The following IL1R1 variants were observed in gnomAD, a reference collection of about 807,000 sequenced individuals.
IL1R1 encodes the protein interleukin 1 receptor type 1, also known as interleukin-1 receptor type 1.
In IL1R1, 22 loss-of-function variants were observed where a neutral mutation model predicts 50.2. The ratio of observed to expected loss-of-function variants is 0.44; its 90% CI spans 0.31 to 0.63. The LOEUF is 0.63. Ranked by LOEUF, IL1R1 falls within the 20% of genes least tolerant of loss-of-function variation. IL1R1 has a pLI of 0.07. For missense variants in IL1R1, 509 were observed against 676.2 expected (o/e 0.75, Z 2.74); for synonymous variants, 251 against 236.7 (o/e 1.06, Z -0.55).
chr2:102,166,248 C>G lies in IL1R1; in HGVS notation c.622C>G (p.Pro208Ala). 1 of 1,613,262 alleles carries G rather than the reference C, an allele frequency of 6.2e-7. No individual in the cohort carries two copies. The highest frequency in any genetic ancestry group is 1.1e-5 in the South Asian group (1 of 91,018). ...CTACACATACTTGGGCAAGCAATAT[C>G]CTATTACCCGGGTAATAGAATTTAT... is the stretch of plus-strand genomic sequence containing the variant. ...ASYTYLGKQY[P>A]ITRVIEFITL... The change falls in exon 6 of 12, where the codon CCT (proline) becomes GCT (alanine). Residue 208 changes from proline to alanine, a missense_variant. Transcript: ENST00000410023.
chr2:102,082,508 A>C (rs778987826), intron 1 of IL1R1, among the ~76,000 whole-genome samples: 77 of 152,214 alleles, frequency 5.1e-4, no homozygotes, highest in Non-Finnish European at 1.0e-3. Flanking sequence ...CAGAATCAGC[A>C]TAAAGTAAAA....
At chr2:102,083,387 C>CA (rs1679301314) in intron 1 of IL1R1, among the ~76,000 whole-genome samples, 1 of 152,184 alleles carries the variant, frequency 6.6e-6, no homozygotes, top group African/African-American at 2.4e-5. Context: ...GTGTGTTCCC[C>CA]AGAGTGCCGA....
rs577561344 is a variant in IL1R1 at position 102,092,923 on chromosome 2, A to G, written c.-84+22390A>G. ...TGAAATTTCGCCAAGATGTACTTAG[A>G]GAAGAAAACTCAGAGGCCAGAAAGA... On this transcript the variant is annotated intron_variant, in intron 1 of 11. Coordinates refer to the IL1R1 transcript ENST00000409929. Among the ~76,000 whole-genome samples the G allele has an allele frequency of 7.9e-5, 12 of 152,268 alleles. 1 individual carries two copies. Among genetic ancestry groups the G allele is most frequent in the African/African-American group, 2.9e-4 (12 of 41,566 alleles).
Position 102,161,883 on chromosome 2 carries a change from G to C in IL1R1, c.62-2891G>C, listed in dbSNP as rs141497621. ...CCTGGCTGATTTTTTTTGTATTTTA[G>C]TAGAGGTGGAGTTTCACCATGTTGG... On this transcript the variant is annotated intron_variant, in intron 3 of 11. Coordinates refer to ENST00000410023, the MANE Select transcript of IL1R1 (RefSeq NM_000877.4). Among the ~76,000 whole-genome samples the C allele has an allele frequency of 2.0e-3, 307 of 151,950 alleles. 1 individual carries two copies. The highest frequency in any genetic ancestry group is 2.4e-3 in the Non-Finnish European group (160 of 67,954).
At chr2:102,154,320 C>A (rs1241375195) in intron 2 of IL1R1, among the ~76,000 whole-genome samples, 2 of 152,168 alleles carry the variant, frequency 1.3e-5, no homozygotes, top group African/African-American at 4.8e-5. Context: ...AGTTTCAACC[C>A]CTTCCAGGCC....
chr2:102,114,583 G>A (rs1050098040), intron 1 of IL1R1, among the ~76,000 whole-genome samples: 1 of 152,186 alleles, frequency 6.6e-6, no homozygotes, highest in African/African-American at 2.4e-5. Context: ...CAGGGAGAAG[G>A]GGAGGTTACA....
intron 1 of IL1R1, among the ~76,000 whole-genome samples, chr2:102,115,432 A>AGCC (rs1232923370): frequency 6.6e-6 from 1 of 152,232 alleles, no homozygotes; most frequent in African/African-American, 2.4e-5. Flanking sequence ...GTGTAAACGT[A>AGCC]GCCACTTTCA....
intron 1 of IL1R1, among the ~76,000 whole-genome samples, chr2:102,097,765 G>C (rs988698619): frequency 2.0e-5 from 3 of 151,834 alleles, no homozygotes; most frequent in African/African-American, 7.3e-5. Context: ...ACAAAGAATA[G>C]TTTGTATAAA....
intron 1 of IL1R1, among the ~76,000 whole-genome samples, chr2:102,075,631 G>A (rs1678924575): frequency 6.6e-6 from 1 of 152,162 alleles, no homozygotes; most frequent in Non-Finnish European, 1.5e-5. Flanking sequence ...TGGTTTGCAA[G>A]TTTTTGGTAC....
rs73943965 is a variant in IL1R1 at position 102,073,661 on chromosome 2, G to C, written c.-84+3128G>C. Among the ~76,000 whole-genome samples the C allele has an allele frequency of 7.6e-3, 1,161 of 152,060 alleles. 15 individuals carry two copies. Among genetic ancestry groups the C allele is most frequent in the African/African-American group, 0.027 (1,113 of 41,452 alleles). ...CTCTGAGTACCTGAGAGATACTCAG[G>C]GCTCTTTCTTGGATGCCAAATAGAT... On this transcript the variant is annotated intron_variant, in intron 1 of 11. Coordinates refer to the IL1R1 transcript ENST00000409929.
In IL1R1 at chr2:102,074,390, T is replaced by C. The variant is rs370651930; in HGVS notation, c.-84+3857T>C. Among the ~76,000 whole-genome samples, 400 of 152,368 alleles carry C rather than the reference T, an allele frequency of 2.6e-3. 2 individuals are homozygous for C. The highest frequency in any genetic ancestry group is 9.0e-3 in the African/African-American group (376 of 41,596). On this transcript the variant is annotated intron_variant, in intron 1 of 11. Transcript: ENST00000409929. The stretch of plus-strand genomic sequence containing the variant: ...GCTGGGCTCAGATGGCAAGCTGTGA[T>C]GACTGGGCCTATCTGCCCATGTCAT...
At chr2:102,124,639 C>T (rs2110724) in intron 1 of IL1R1, among the ~76,000 whole-genome samples, 31,485 of 151,788 alleles carry the variant, frequency 0.21, 4,488 homozygotes, top group African/African-American at 0.4. Context: ...CAGATCTGGC[C>T]GGATGTGGTG....
At chr2:102,090,517 G>T (rs1679620652) in intron 1 of IL1R1, among the ~76,000 whole-genome samples, 1 of 151,836 alleles carries the variant, frequency 6.6e-6, no homozygotes, top group African/African-American at 2.4e-5. Flanking sequence ...CTATGCATTG[G>T]TTTTGATATT....
chr2:102,150,167 A>G (rs1683524881), intron 1 of IL1R1, among the ~76,000 whole-genome samples: 1 of 152,292 alleles, frequency 6.6e-6, no homozygotes, highest in South Asian at 2.1e-4. Context: ...TGTTTAATAA[A>G]TGCACTGTGG....
At chr2:102,084,976 T>A (rs1038868700) in intron 1 of IL1R1, among the ~76,000 whole-genome samples, 8 of 152,250 alleles carry the variant, frequency 5.3e-5, no homozygotes, top group Non-Finnish European at 5.9e-5. Context: ...ATTTCCCCAA[T>A]GGCTAATGCA....
chr2:102,119,519 C>G (rs574979735), intron 1 of IL1R1, among the ~76,000 whole-genome samples: 1 of 152,210 alleles, frequency 6.6e-6, no homozygotes, highest in East Asian at 1.9e-4. Flanking sequence ...GATCCCTGAT[C>G]CACTTGGTGC....
chr2:102,166,672 A>G (rs771241510), intron 6 of IL1R1, among the ~76,000 whole-genome samples: 1 of 152,312 alleles, frequency 6.6e-6, no homozygotes, highest in African/African-American at 2.4e-5. Context: ...CGGTGTGGAC[A>G]CTAATGAGCT....
chr2:102,092,250 G>C (rs1679701496), intron 1 of IL1R1, among the ~76,000 whole-genome samples: 1 of 152,040 alleles, frequency 6.6e-6, no homozygotes, highest in Non-Finnish European at 1.5e-5. Flanking sequence ...GCCAAAATTG[G>C]TAATGTTGGC....
At chr2:102,108,477 C>T (rs1014764207) in intron 1 of IL1R1, among the ~76,000 whole-genome samples, 1 of 152,082 alleles carries the variant, frequency 6.6e-6, no homozygotes, top group Non-Finnish European at 1.5e-5. Context: ...AGACGGGGTC[C>T]GGTTTCATGT....
Sources: allele counts gnomAD v4.1 joint callset (sites outside exome capture counted in the v4.1 genomes callset), GRCh38; gene constraint gnomAD v4.1.1; transcripts MANE v1.5; gene names NCBI Gene and HGNC (gene_info 2026-07-23, HGNC 2026-07-21).